CDK13: variants seen among roughly 807,000 people sequenced by gnomAD.
CDK13 encodes the protein cyclin-dependent kinase 13.
A neutral mutation model predicts 137.6 loss-of-function variants in CDK13; 40 were observed. The ratio of observed to expected loss-of-function variants is 0.29; its 90% CI spans 0.23 to 0.38. The LOEUF (loss-of-function observed/expected upper bound fraction) is 0.38, where lower values mean the gene tolerates loss of function less well. Among genes scored for constraint, CDK13 ranks in the 10% least tolerant of loss-of-function variants. The pLI is 1.00. For synonymous variants in CDK13, 869 were observed against 760.1 expected (o/e 1.14, Z -2.36); for missense variants, 1,704 against 1,951.8 (o/e 0.87, Z 2.39).
chr7:39,951,090 G>C lies in CDK13; in HGVS notation c.449G>C (p.Ser150Thr), dbSNP rs1787160555. The change falls in exon 1 of 14, where the codon AGC becomes ACC. Residue 150 changes from serine to threonine, a missense_variant. Ser to Thr is a moderately conservative substitution (Grantham distance 58). This residue lies in a region of CDK13 where 1,051 missense variants were observed against 931.0 expected (regional missense o/e 1.13). Coordinates refer to ENST00000181839, the MANE Select transcript of CDK13 (RefSeq NM_003718.5). Reference protein sequence around the residue: ...VTPLVEYEDVSSQSEQGLLLG... With the variant: ...VTPLVEYEDVTSQSEQGLLLG... Reference sequence around the variant, plus strand: ...CCGCTGGTGGAATACGAGGATGTGAGCTCCCAGTCCGAGCAGGGGCTGCTG... The same window carrying C: ...CCGCTGGTGGAATACGAGGATGTGACCTCCCAGTCCGAGCAGGGGCTGCTG... The C allele has an allele frequency of 3.2e-6, 4 of 1,260,962 alleles. No individual in the cohort carries two copies. Among genetic ancestry groups the C allele is most frequent in the Non-Finnish European group, 4.0e-6 (4 of 1,004,394 alleles). The allele number at this position is 1,260,962 out of a possible 1,614,324, so 78.1% of individuals were successfully genotyped here. A position where few individuals can be genotyped will look rare whatever the true frequency, so the allele number is the denominator to read the frequency against.
chr7:40,048,537 C>T (rs1255980453), intron 7 of CDK13: 2 of 152,012 alleles, frequency 1.3e-5, no homozygotes, highest in Non-Finnish European at 2.9e-5. Context: ...CCATTTACCC[C>T]ATTCCTTTTT....
intron 7 of CDK13, 84 bp downstream of exon 7, chr7:40,047,961 T>G (rs1330360204): frequency 1.2e-6 from 1 of 864,694 alleles, no homozygotes; most frequent in Non-Finnish European, 1.9e-6. Context: ...GATAGTTTTA[T>G]TTTTTAAAAG....
chr7:39,979,672 C>T (rs1413307277), intron 1 of CDK13, among the ~76,000 whole-genome samples: 1 of 152,154 alleles, frequency 6.6e-6, no homozygotes, highest in Non-Finnish European at 1.5e-5. Flanking sequence ...ATGCCCTAAT[C>T]TTTTCAATCT....
At chr7:39,970,345 A>G (rs1783970289) in intron 1 of CDK13, among the ~76,000 whole-genome samples, 1 of 152,146 alleles carries the variant, frequency 6.6e-6, no homozygotes, top group Admixed American at 6.5e-5. Flanking sequence ...CCTAACCCAC[A>G]GTAACAGATA....
At chr7:40,034,957 C>T (rs561364414) in intron 5 of CDK13, among the ~76,000 whole-genome samples, 1 of 152,062 alleles carries the variant, frequency 6.6e-6, no homozygotes, top group African/African-American at 2.4e-5. Context: ...ATTTGCTGTT[C>T]CCCTTATTCA....
intron 5 of CDK13, among the ~76,000 whole-genome samples, chr7:40,011,043 T>C (rs942259497): frequency 1.3e-5 from 2 of 152,152 alleles, no homozygotes; most frequent in South Asian, 2.1e-4. Context: ...ATTAGAAAAT[T>C]CAGTATTATT....
In CDK13 at chr7:40,094,500, T is replaced by G. The variant is rs550415815; in HGVS notation, c.4059T>G (p.Asp1353Glu). 1 of 1,613,446 alleles carries G rather than the reference T, an allele frequency of 6.2e-7. No homozygotes were observed. The highest frequency in any genetic ancestry group is 2.2e-5 in the East Asian group (1 of 44,872). Residue 1353 changes from aspartate (D) to glutamate (E), a missense_variant, in exon 14 of 14, where the codon GAT becomes GAG. By Grantham distance (45) the Asp-to-Glu change is conservative. This residue lies in a region of CDK13 where 475 missense variants were observed against 579.3 expected (regional missense o/e 0.82). Transcript: ENST00000181839. ...SFSSAPYVSN[D>E]GLGSSSAPPL... ...CTTCTGCTCCTTATGTTAGCAATGA[T>G]GGTCTAGGAAGCAGTTCTGCTCCAC...
chr7:40,046,249 C>T (rs866466476), intron 6 of CDK13, among the ~76,000 whole-genome samples: 10 of 151,972 alleles, frequency 6.6e-5, no homozygotes, highest in African/African-American at 2.2e-4. Context: ...CATATACCCC[C>T]GAATCTAAAA....
chr7:40,064,864 T>G (rs1394695737), intron 9 of CDK13, among the ~76,000 whole-genome samples: 1 of 149,226 alleles, frequency 6.7e-6, no homozygotes, highest in Non-Finnish European at 1.5e-5. Flanking sequence ...CAGTCATGGC[T>G]CACTGCAGCC....
chr7:39,996,961 C>CAAAAAAAAAAAAAAAAAAAAAAAAAAAA (rs72210233), intron 2 of CDK13, among the ~76,000 whole-genome samples: 4 of 83,248 alleles, frequency 4.8e-5, no homozygotes, highest in African/African-American at 3.1e-4. Flanking sequence ...GATTCCATCT[C>CAAAAAAAAAAAAAAAAAAAAAAAAAAAA]AAAAAAAAAA....
intron 5 of CDK13, among the ~76,000 whole-genome samples, chr7:40,002,606 G>C (rs192195341): frequency 6.6e-6 from 1 of 152,018 alleles, no homozygotes; most frequent in Non-Finnish European, 1.5e-5. Flanking sequence ...TTACATCTTC[G>C]TAAGATTTTA....
intron 5 of CDK13, among the ~76,000 whole-genome samples, chr7:40,023,856 G>A (rs1463963250): frequency 6.6e-6 from 1 of 152,152 alleles, no homozygotes; most frequent in Non-Finnish European, 1.5e-5. Context: ...TTTCTTCTCA[G>A]ATTTATGGTC....
chr7:40,017,914 A>G (rs1785035618), intron 5 of CDK13, among the ~76,000 whole-genome samples: 1 of 150,894 alleles, frequency 6.6e-6, no homozygotes, highest in Non-Finnish European at 1.5e-5. Context: ...CCTGTATGAA[A>G]TTCCCACGTT....
intron 9 of CDK13, chr7:40,070,197 G>A (rs113086404): frequency 0.16 from 23,784 of 151,442 alleles, 2,332 homozygotes; most frequent in Middle Eastern, 0.28. Flanking sequence ...CCGAGATGGC[G>A]CCACTGCACT....
Position 39,950,299 on chromosome 7 carries a change from G to A in CDK13, c.-343G>A, listed in dbSNP as rs544070332. ...CCGAGCCGAGAGCGCGGCCAAGGCC[G>A]CTCCCCCACCCCCGGGGGCACTTGG... On this transcript the variant is annotated 5_prime_UTR_variant, in exon 1 of 14. Coordinates refer to ENST00000181839, the MANE Select transcript of CDK13 (RefSeq NM_003718.5). The A allele has an allele frequency of 3.4e-3, 3,707 of 1,090,854 alleles. 5 individuals carry two copies. The highest frequency in any genetic ancestry group is 6.3e-3 in the Middle Eastern group (16 of 2,530). The allele number at this position is 1,090,854 out of a possible 1,614,324, so 67.6% of individuals were successfully genotyped here.
chr7:39,983,163 T>C (rs1052550339), intron 1 of CDK13, among the ~76,000 whole-genome samples: 1 of 152,236 alleles, frequency 6.6e-6, no homozygotes, highest in Non-Finnish European at 1.5e-5. Flanking sequence ...GTATAACGTT[T>C]AAGTCTTTAA....
chr7:40,076,768 T>C (rs1041389116), intron 9 of CDK13, among the ~76,000 whole-genome samples: 1 of 152,240 alleles, frequency 6.6e-6, no homozygotes, highest in Non-Finnish European at 1.5e-5. Context: ...GCTAAAAAAA[T>C]GTCTGGCAAC....
intron 5 of CDK13, among the ~76,000 whole-genome samples, chr7:40,042,455 A>G: frequency 7.0e-6 from 1 of 142,934 alleles, no homozygotes; most frequent in Admixed American, 7.1e-5. Flanking sequence ...ATACTTCTCC[A>G]GTTTGTCCTT....
intron 4 of CDK13, among the ~76,000 whole-genome samples, chr7:40,001,240 G>A (rs1301944390): frequency 2.7e-5 from 4 of 150,184 alleles, no homozygotes; most frequent in African/African-American, 7.3e-5. Flanking sequence ...TTTTGAGACG[G>A]AGTCTTGCAC....
Sources: allele counts gnomAD v4.1 joint callset (sites outside exome capture counted in the v4.1 genomes callset), GRCh38; gene constraint gnomAD v4.1.1; regional missense constraint gnomAD v4.1.1; transcripts MANE v1.5; gene names NCBI Gene and HGNC (gene_info 2026-07-23, HGNC 2026-07-21).